PCDHA13: variants seen among roughly 807,000 people sequenced by gnomAD.
PCDHA13 encodes the protein protocadherin alpha 13.
Under a neutral mutation model 64.8 loss-of-function variants are expected in PCDHA13, and 54 were observed. The ratio of observed to expected loss-of-function variants is 0.83; its 90% CI spans 0.67 to 1.04. The LOEUF (loss-of-function observed/expected upper bound fraction) is 1.04. Among genes scored for constraint, PCDHA13 ranks in the 50% least tolerant of loss-of-function variants. PCDHA13 has a pLI of 0.00. For synonymous variants in PCDHA13, 587 were observed against 564.4 expected, an observed-to-expected ratio of 1.04 and a Z score of -0.57; for missense variants, 1,248 against 1,254.3, an observed-to-expected ratio of 0.99 and a Z score of 0.08.
intron 1 of PCDHA13, among the ~76,000 whole-genome samples, chr5:140,892,861 G>A (rs1422724084): frequency 2.6e-5 from 4 of 152,100 alleles, no homozygotes; most frequent in African/African-American, 9.7e-5. Flanking sequence ...TTCCTCCTGT[G>A]TAGCTATAAT....
chr5:140,962,014 G>C (rs2095650512), intron 1 of PCDHA13, among the ~76,000 whole-genome samples: 1 of 151,888 alleles, frequency 6.6e-6, no homozygotes, highest in African/African-American at 2.4e-5. Flanking sequence ...TTCCCGAGTA[G>C]CTGGGACTAC....
At chr5:140,888,488 C>T (rs1257053839) in intron 1 of PCDHA13, among the ~76,000 whole-genome samples, 2 of 152,204 alleles carry the variant, frequency 1.3e-5, no homozygotes, top group African/African-American at 2.4e-5. Context: ...TGTTGAGAAA[C>T]TCTGCTTTAA....
At position 140,884,024 on chromosome 5, in the gene PCDHA13, G is replaced by A; in HGVS notation, c.1756G>A (p.Gly586Ser). 1 of 1,613,318 alleles carries A rather than the reference G, an allele frequency of 6.2e-7. No homozygotes were observed. Among genetic ancestry groups the A allele is most frequent in the Non-Finnish European group, 8.5e-7 (1 of 1,179,634 alleles). ...TVSELMPRSV[G>S]AGHVVAKVRA... is the part of the protein sequence containing the mutation. ...GAGCGAGCTGATGCCGCGGTCGGTG[G>A]GTGCAGGCCACGTGGTGGCGAAGGT... The change falls in exon 1 of 4, where the codon GGT becomes AGT. Residue 586 changes from glycine (G) to serine (S), a missense_variant. By Grantham distance (56) the Gly-to-Ser change is moderately conservative. Coordinates refer to ENST00000289272, the MANE Select transcript of PCDHA13 (RefSeq NM_018904.3).
At chr5:140,948,098 AT>A (rs1400798416) in intron 1 of PCDHA13, among the ~76,000 whole-genome samples, 2 of 151,502 alleles carry the variant, frequency 1.3e-5, no homozygotes, top group African/African-American at 4.8e-5. Flanking sequence ...TGAGCATATG[AT>A]TTTTCTTCGT....
At chr5:140,934,533 C>T (rs1418320473) in intron 1 of PCDHA13, among the ~76,000 whole-genome samples, 5 of 152,086 alleles carry the variant, frequency 3.3e-5, no homozygotes, top group African/African-American at 4.8e-5. Flanking sequence ...CGAGAGCTAC[C>T]GTTCTAATTC....
In PCDHA13 at chr5:140,927,340, G is replaced by A. The variant is rs77098674; in HGVS notation, c.2394+42678G>A. ...CCGCTTTACTCTCCCGAATGCCCAAGATGACGACGAGGGAAGCAATGGGAT... is the reference window on the plus strand; with the variant it reads ...CCGCTTTACTCTCCCGAATGCCCAAAATGACGACGAGGGAAGCAATGGGAT... On this transcript the variant is annotated intron_variant, in intron 1 of 3. Coordinates refer to ENST00000289272, the MANE Select transcript of PCDHA13 (RefSeq NM_018904.3). The A allele has an allele frequency of 8.1e-6, 13 of 1,614,032 alleles. No individual in the cohort carries two copies. The African/African-American group carries it at 1.5e-4, about 18-fold the overall frequency.
intron 1 of PCDHA13, among the ~76,000 whole-genome samples, chr5:140,896,952 T>G (rs2153454853): frequency 6.6e-6 from 1 of 152,352 alleles, no homozygotes; most frequent in East Asian, 1.9e-4. Context: ...GCCATTCCCT[T>G]AAACATTTAT....
chr5:140,983,211 T>C (rs1429696975), intron 3 of PCDHA13, among the ~76,000 whole-genome samples: 1 of 152,204 alleles, frequency 6.6e-6, no homozygotes, highest in African/African-American at 2.4e-5. Context: ...AGGGACTATT[T>C]CCTAATCCAA....
intron 1 of PCDHA13, among the ~76,000 whole-genome samples, chr5:140,922,855 A>C (rs1216713034): frequency 6.6e-6 from 1 of 152,246 alleles, no homozygotes; most frequent in Non-Finnish European, 1.5e-5. Context: ...GACCAAATAC[A>C]TAGACAAGGG....
At chr5:140,941,331 T>G (rs1277354289) in intron 1 of PCDHA13, among the ~76,000 whole-genome samples, 1 of 148,120 alleles carries the variant, frequency 6.8e-6, no homozygotes. Context: ...TTTTTTTTTT[T>G]TTTCAGATGG....
chr5:140,931,683 A>G (rs1482331530), intron 1 of PCDHA13, among the ~76,000 whole-genome samples: 2 of 151,950 alleles, frequency 1.3e-5, no homozygotes, highest in African/African-American at 4.8e-5. Flanking sequence ...AAATAAATGA[A>G]TTGTGATTCA....
At chr5:140,950,080 C>G (rs528804395) in intron 1 of PCDHA13, among the ~76,000 whole-genome samples, 2 of 151,836 alleles carry the variant, frequency 1.3e-5, no homozygotes, top group Admixed American at 1.3e-4. Context: ...ATTGCTTATG[C>G]TATAGTTTTC....
At chr5:140,978,856 A>G (rs2096826512) in intron 1 of PCDHA13, 93 bp from the exon 2 acceptor site, 1 of 1,589,052 alleles carries the variant, frequency 6.3e-7, no homozygotes, top group Non-Finnish European at 8.6e-7. Flanking sequence ...AGATGCCTGG[A>G]AATATTTAAG....
At chr5:140,973,442 A>G (rs1230315099) in intron 1 of PCDHA13, among the ~76,000 whole-genome samples, 4 of 152,274 alleles carry the variant, frequency 2.6e-5, no homozygotes, top group Non-Finnish European at 5.9e-5. Context: ...TGGTCACTTT[A>G]TAATGACTGG....
At chr5:140,927,575 A>G (rs782237037) in intron 1 of PCDHA13, 1 of 1,614,202 alleles carries the variant, frequency 6.2e-7, no homozygotes, top group South Asian at 1.1e-5. Context: ...GACACAAATG[A>G]CAACGCGCCT....
At chr5:140,957,473 GA>G (rs1446179332) in intron 1 of PCDHA13, among the ~76,000 whole-genome samples, 1 of 151,954 alleles carries the variant, frequency 6.6e-6, no homozygotes, top group Non-Finnish European at 1.5e-5. Context: ...GTATGTATAG[GA>G]AAAAACATAG....
chr5:140,922,268 A>T (rs2153564244), intron 1 of PCDHA13, among the ~76,000 whole-genome samples: 1 of 152,382 alleles, frequency 6.6e-6, no homozygotes, highest in Non-Finnish European at 1.5e-5. Context: ...TGCCATGAAG[A>T]TTGGACCAAG....
chr5:140,884,245 G>A lies in PCDHA13; in HGVS notation c.1977G>A (p.Leu659=). ...TGAAGGACCACGGTGAGCCCGCGCT[G>A]ACGGCCACGGCAACGGTGCTGTTGT... ...VLVKDHGEPA[L]TATATVLLSL... The change falls in exon 1 of 4, where the codon CTG becomes CTA. Residue 659 remains leucine, a synonymous_variant. Coordinates refer to ENST00000289272, the MANE Select transcript of PCDHA13 (RefSeq NM_018904.3). 1 of 1,613,462 alleles carries A rather than the reference G, an allele frequency of 6.2e-7. No homozygotes were observed. Among genetic ancestry groups the A allele is most frequent in the Non-Finnish European group, 8.5e-7 (1 of 1,179,718 alleles).
chr5:140,980,901 T>C, intron 2 of PCDHA13, among the ~76,000 whole-genome samples: 1 of 152,218 alleles, frequency 6.6e-6, no homozygotes, highest in East Asian at 1.9e-4. Context: ...TTGGACATCA[T>C]GTAACTATTC....
Sources: gnomAD v4.1 joint callset for allele counts (sites outside exome capture counted in the v4.1 genomes callset) on GRCh38, gnomAD v4.1.1 for gene constraint, MANE v1.5 for transcripts, NCBI Gene and HGNC (gene_info 2026-07-23, HGNC 2026-07-21) for gene names.